The following IGSF10 variants were observed in gnomAD, a reference collection of about 807,000 sequenced individuals.
The protein encoded by IGSF10 is calvaria mechanical force protein 608.
A neutral mutation model predicts 128.2 loss-of-function variants in IGSF10; 126 were observed. The ratio of observed to expected loss-of-function variants is 0.98; its 90% CI spans 0.85 to 1.14. The LOEUF (loss-of-function observed/expected upper bound fraction) is 1.14. Among genes scored for constraint, IGSF10 ranks in the 50% most tolerant of loss-of-function variants. The pLI is 0.00. For synonymous variants in IGSF10, 1,185 were observed against 1,146.2 expected, an observed-to-expected ratio of 1.03 and a Z score of -0.68; for missense variants, 3,295 against 3,149.8, an observed-to-expected ratio of 1.05 and a Z score of -1.10.
the IGSF10 span, among the ~76,000 whole-genome samples, chr3:151,610,073 C>T: frequency 6.6e-6 from 1 of 152,076 alleles, no homozygotes; most frequent in Non-Finnish European, 1.5e-5. Flanking sequence ...GACAGGGCAA[C>T]AGTGGTGATG....
At chr3:151,539,774 A>G in the IGSF10 span, among the ~76,000 whole-genome samples, 5 of 126,274 alleles carry the variant, frequency 4.0e-5, no homozygotes, top group African/African-American at 1.7e-4. Context: ...GCATCTATCT[A>G]TCTATCTATC....
At chr3:151,519,530 T>A in the IGSF10 span, among the ~76,000 whole-genome samples, 1 of 151,794 alleles carries the variant, frequency 6.6e-6, no homozygotes, top group South Asian at 2.1e-4. Context: ...GGAGTCACTT[T>A]CAACTTACCC....
At chr3:151,608,330 G>T in the IGSF10 span, among the ~76,000 whole-genome samples, 10,846 of 152,238 alleles carry the variant, frequency 0.071, 504 homozygotes, top group Middle Eastern at 0.12. Context: ...TCAGCAAAGC[G>T]GTTTGCATGG....
the IGSF10 span, among the ~76,000 whole-genome samples, chr3:151,600,242 ATAAG>A: frequency 6.6e-6 from 1 of 152,174 alleles, no homozygotes; most frequent in African/African-American, 2.4e-5. Flanking sequence ...TTTTAAGAAG[ATAAG>A]TAATAGTGCA....
chr3:151,486,388 A>T, the IGSF10 span, among the ~76,000 whole-genome samples: 1 of 152,138 alleles, frequency 6.6e-6, no homozygotes, highest in African/African-American at 2.4e-5. Flanking sequence ...TTAACACCCC[A>T]CTGTCAATAT....
chr3:151,462,666 C>T (rs991125648), upstream of IGSF10, among the ~76,000 whole-genome samples: 3 of 152,158 alleles, frequency 2.0e-5, no homozygotes, highest in Non-Finnish European at 4.4e-5. Context: ...TTGTGGCTGC[C>T]TCACTTAGCT....
the IGSF10 span, among the ~76,000 whole-genome samples, chr3:151,569,287 G>C: frequency 6.6e-6 from 1 of 152,092 alleles, no homozygotes; most frequent in Non-Finnish European, 1.5e-5. Flanking sequence ...GGCCAGGCTG[G>C]TCTTGAACCC....
the IGSF10 span, among the ~76,000 whole-genome samples, chr3:151,563,556 G>A: frequency 3.3e-5 from 5 of 152,108 alleles, no homozygotes; most frequent in Admixed American, 3.3e-4. Flanking sequence ...AATTGTCCCT[G>A]ACAACAACTT....
At chr3:151,598,110 T>TGTGTGA in the IGSF10 span, among the ~76,000 whole-genome samples, 2,090 of 148,644 alleles carry the variant, frequency 0.014, 46 homozygotes, top group Middle Eastern at 0.024. Flanking sequence ...TGTGTGTGTG[T>TGTGTGA]GAATACTTCA....
At chr3:151,498,276 A>T in the IGSF10 span, among the ~76,000 whole-genome samples, 2 of 152,000 alleles carry the variant, frequency 1.3e-5, no homozygotes, top group Non-Finnish European at 2.9e-5. Context: ...TCCAGTTTTT[A>T]CCCATTCAAG....
chr3:151,512,331 T>C, the IGSF10 span, among the ~76,000 whole-genome samples: 2 of 152,066 alleles, frequency 1.3e-5, no homozygotes, highest in African/African-American at 4.8e-5. Flanking sequence ...CTCAACTACA[T>C]GGAAACTGAA....
At chr3:151,514,632 T>TA in the IGSF10 span, among the ~76,000 whole-genome samples, 80 of 152,070 alleles carry the variant, frequency 5.3e-4, no homozygotes, top group Non-Finnish European at 1.0e-3. Context: ...CTAATCAAAC[T>TA]AAAGAGCTTC....
At position 151,443,278 on chromosome 3, in the gene IGSF10, G is replaced by A. The variant is rs1254169464; in HGVS notation, c.5669C>T (p.Thr1890Ile). The change falls in exon 7 of 8, where the codon ACC becomes ATC. Residue 1890 changes from threonine to isoleucine, a missense_variant. Physicochemically the swap from Thr to Ile is moderately conservative, Grantham distance 89. Coordinates refer to ENST00000282466, the MANE Select transcript of IGSF10 (RefSeq NM_178822.5). ...DGTEVKPLQF[T>I]NSKLFLFSNG... ...TGAAAATAAGAACAACTTGGAATTG[G>A]TAAACTGTAATGGTTTCACTTCAGT... The A allele has an allele frequency of 6.2e-7, 1 of 1,612,244 alleles. No individual in the cohort carries two copies. Among genetic ancestry groups the A allele is most frequent in the Non-Finnish European group, 8.5e-7 (1 of 1,178,972 alleles).
downstream of IGSF10, chr3:151,432,892 C>G (rs1407804485): frequency 2.1e-6 from 2 of 963,904 alleles, no homozygotes; most frequent in Non-Finnish European, 3.1e-6. Context: ...TAAAAATGTC[C>G]CTTTTTTTCA....
chr3:151,611,533 C>T, the IGSF10 span, among the ~76,000 whole-genome samples: 44 of 152,236 alleles, frequency 2.9e-4, no homozygotes, highest in African/African-American at 1.0e-3. Flanking sequence ...AGAGCCAGAA[C>T]AAAAATAATG....
the IGSF10 span, among the ~76,000 whole-genome samples, chr3:151,506,033 C>A: frequency 1.3e-5 from 2 of 151,434 alleles, no homozygotes; most frequent in Non-Finnish European, 2.9e-5. Flanking sequence ...CTCACTGCAA[C>A]CTCTGCCAAC....
chr3:151,449,479 G>A (rs760989239), intron 5 of IGSF10, among the ~76,000 whole-genome samples: 3 of 152,180 alleles, frequency 2.0e-5, no homozygotes, highest in Non-Finnish European at 4.4e-5. Context: ...ATAGGATTTT[G>A]TCTATCTTAT....
At chr3:151,609,477 G>A in the IGSF10 span, among the ~76,000 whole-genome samples, 587 of 151,868 alleles carry the variant, frequency 3.9e-3, 3 homozygotes, top group African/African-American at 0.013. Flanking sequence ...TTTTGACTTA[G>A]CATTCCCATT....
the IGSF10 span, among the ~76,000 whole-genome samples, chr3:151,598,260 T>C: frequency 6.6e-6 from 1 of 152,238 alleles, no homozygotes; most frequent in Non-Finnish European, 1.5e-5. Flanking sequence ...TACATCTGTA[T>C]GAGCAAATTC....
Sources: gnomAD v4.1 joint callset for allele counts (sites outside exome capture counted in the v4.1 genomes callset) on GRCh38, gnomAD v4.1.1 for gene constraint, MANE v1.5 for transcripts, NCBI Gene and HGNC (gene_info 2026-07-23, HGNC 2026-07-21) for gene names.